Variants in POLQ observed in about 807,000 individuals in gnomAD.
POLQ encodes the protein DNA polymerase theta.
In POLQ, 233 loss-of-function variants were observed where a neutral mutation model predicts 259.2. That is an observed-to-expected ratio of 0.90 (90% CI 0.81 to 1.00). POLQ has a LOEUF of 1.00. POLQ is among the 50% of genes least tolerant of loss of function. The probability of loss-of-function intolerance (pLI) is 0.00; values close to 1 mark genes in which losing one functional copy is unlikely to be tolerated. For synonymous variants in POLQ, 1,025 were observed against 1,048.8 expected (o/e 0.98, Z 0.44); for missense variants, 2,871 against 3,051.6 (o/e 0.94, Z 1.39).
rs1399589567 is a variant in POLQ at position 121,489,313 on chromosome 3, AG to A, written c.3617del (p.Thr1206IlefsTer8). On this transcript the variant is annotated frameshift_variant, in exon 16 of 30. Coordinates refer to ENST00000264233, the MANE Select transcript of POLQ (RefSeq NM_199420.4). LOFTEE classifies it high-confidence loss of function. ...LRKQSHEQTSTITKQKNIIER... is the reference protein window; with the variant it reads ...LRKQSHEQTSXITKQKNIIER... ...CTATTATATTTTTCTGTTTGGTAAT[AG>A]TGCTTGTCTGTTCATGAGATTGCTT... 3.7e-6 allele frequency: 6 copies of A among 1,613,746 alleles called. No homozygotes were observed. Among genetic ancestry groups the A allele is most frequent in the African/African-American group, 1.3e-5 (1 of 75,038 alleles).
At chr3:121,509,533 C>T (rs1328402996) in intron 12 of POLQ, 28 bp downstream of exon 12, 23 of 1,578,838 alleles carry the variant, frequency 1.5e-5, no homozygotes, top group Admixed American at 1.8e-5. Context: ...CCTATTTTCA[C>T]AAACATAATT....
At chr3:121,513,673 C>A (rs1415090248) in intron 9 of POLQ, among the ~76,000 whole-genome samples, 1 of 149,960 alleles carries the variant, frequency 6.7e-6, no homozygotes, top group African/African-American at 2.5e-5. Context: ...GGCTTTACTA[C>A]CCCCCTCCCC....
At chr3:121,521,401 A>C (rs2048335433) in intron 8 of POLQ, among the ~76,000 whole-genome samples, 1 of 152,162 alleles carries the variant, frequency 6.6e-6, no homozygotes, top group African/African-American at 2.4e-5. Flanking sequence ...CCCCTCACAC[A>C]CACACATTTC....
chr3:121,453,712 C>T (rs1163370498), intron 25 of POLQ, among the ~76,000 whole-genome samples: 1 of 152,036 alleles, frequency 6.6e-6, no homozygotes, highest in Non-Finnish European at 1.5e-5. Context: ...CCAAAGCCTC[C>T]AAGAAATATG....
chr3:121,495,275 A>AG (rs2048109278), intron 14 of POLQ, among the ~76,000 whole-genome samples: 1 of 152,250 alleles, frequency 6.6e-6, no homozygotes, highest in East Asian at 1.9e-4. Context: ...CCATCTCAAA[A>AG]AAAAAAAAGT....
chr3:121,450,921 T>C (rs2047670033), intron 25 of POLQ, among the ~76,000 whole-genome samples: 1 of 152,212 alleles, frequency 6.6e-6, no homozygotes, highest in African/African-American at 2.4e-5. Flanking sequence ...CACTTTCAGG[T>C]ACACCAATCA....
At chr3:121,443,884 T>C (rs1225042144) in intron 26 of POLQ, among the ~76,000 whole-genome samples, 9 of 152,168 alleles carry the variant, frequency 5.9e-5, no homozygotes, top group Admixed American at 3.3e-4. Flanking sequence ...TTATTGAAAA[T>C]GAGTTCACTG....
In POLQ at chr3:121,476,550, T is replaced by C. The variant is rs1250278912; in HGVS notation, c.6395A>G (p.Asp2132Gly). ...GHSFSFTSSD[D>G]IAEVLFLELK... ...GCCCCATGATACAACCTCAGCGATGTCATCTGAACTGGTGAAAGAAAAACT... is the reference window on the plus strand; with the variant it reads ...GCCCCATGATACAACCTCAGCGATGCCATCTGAACTGGTGAAAGAAAAACT... The change falls in exon 20 of 30, where the codon GAC becomes GGC. Residue 2132 changes from aspartate to glycine, a missense_variant. Around this residue, in one of 3 missense-constraint regions of POLQ, gnomAD observed 2,080 missense variants for 2,126.0 expected, o/e 0.98. Transcript: ENST00000264233. The C allele has an allele frequency of 6.2e-7, 1 of 1,611,860 alleles. No individual in the cohort carries two copies. Among genetic ancestry groups the C allele is most frequent in the Non-Finnish European group, 8.5e-7 (1 of 1,178,856 alleles).
At chr3:121,506,642 A>G (rs1244529455) in intron 12 of POLQ, among the ~76,000 whole-genome samples, 1 of 152,252 alleles carries the variant, frequency 6.6e-6, no homozygotes, top group African/African-American at 2.4e-5. Context: ...AAAACAGGAA[A>G]GTGATACAAA....
At chr3:121,442,258 G>A (rs2047599130) in intron 26 of POLQ, among the ~76,000 whole-genome samples, 1 of 152,010 alleles carries the variant, frequency 6.6e-6, no homozygotes, top group Non-Finnish European at 1.5e-5. Flanking sequence ...AGGGAAAATG[G>A]GGTACCCATC....
At chr3:121,447,117 G>A (rs183588174) in intron 26 of POLQ, among the ~76,000 whole-genome samples, 73 of 141,344 alleles carry the variant, frequency 5.2e-4, no homozygotes, top group African/African-American at 1.8e-3. Context: ...TGTATCTGTT[G>A]TATATTTTTT....
chr3:121,472,168 C>T lies in POLQ; in HGVS notation c.6544-4G>A, dbSNP rs1231687219. ...CCTTTAATTTATTTAAAACGTCCTGCCAAAAAAATATAAGGTAAGATTGAA... is the reference window on the plus strand; with the variant it reads ...CCTTTAATTTATTTAAAACGTCCTGTCAAAAAAATATAAGGTAAGATTGAA... On this transcript the variant is annotated splice_polypyrimidine_tract_variant and splice_region_variant and intron_variant, in intron 21 of 29. Coordinates refer to ENST00000264233, the MANE Select transcript of POLQ (RefSeq NM_199420.4). The T allele has an allele frequency of 7.3e-7, 1 of 1,377,448 alleles. No individual in the cohort carries two copies. The highest frequency in any genetic ancestry group is 2.5e-5 in the East Asian group (1 of 40,424). The allele number at this position is 1,377,448 out of a possible 1,614,324, so 85.3% of individuals were successfully genotyped here. A position where few individuals can be genotyped will look rare whatever the true frequency, so the allele number is the denominator to read the frequency against.
At chr3:121,542,247 G>T (rs1020220305) in intron 2 of POLQ, among the ~76,000 whole-genome samples, 1 of 152,112 alleles carries the variant, frequency 6.6e-6, no homozygotes, top group Admixed American at 6.6e-5. Flanking sequence ...AGGCCACGAT[G>T]GGCAAGGTGT....
chr3:121,481,620 T>C lies in POLQ; in HGVS notation c.6163A>G (p.Asn2055Asp), dbSNP rs2047970879. The change falls in exon 19 of 30, where the codon AAC becomes GAC. Residue 2055 changes from asparagine (N) to aspartate (D), a missense_variant. Physicochemically the swap from Asn to Asp is conservative, Grantham distance 23 (BLOSUM62 1). Coordinates refer to ENST00000264233, the MANE Select transcript of POLQ (RefSeq NM_199420.4). ...AAAGAGTTGAGCTGATTCATAGAGT[T>C]GAAGATGAGAATGGACTCCACAGAT... Reference protein sequence around the residue: ...RASVESILIFNSMNQLNSLLQ... With the variant: ...RASVESILIFDSMNQLNSLLQ... The C allele has an allele frequency of 1.2e-6, 2 of 1,613,572 alleles. No individual in the cohort carries two copies. The highest frequency in any genetic ancestry group is 1.3e-5 in the African/African-American group (1 of 75,046).
In POLQ at chr3:121,432,369, C is replaced by CA; in HGVS notation, c.7707dup (p.Val2570CysfsTer20). ...ATTTTCACTTTCACTTTCAATTTCA[C>CA]AGACAGTTTTACAGCACTTTCCATT... On this transcript the variant is annotated frameshift_variant, in exon 30 of 30. Coordinates refer to ENST00000264233, the MANE Select transcript of POLQ (RefSeq NM_199420.4). LOFTEE classifies it high-confidence loss of function. 1 of 1,610,272 alleles carries CA rather than the reference C, an allele frequency of 6.2e-7. No homozygotes were observed. Among genetic ancestry groups the CA allele is most frequent in the South Asian group, 1.1e-5 (1 of 90,474 alleles).
chr3:121,495,861 A>G (rs958765732), intron 14 of POLQ, among the ~76,000 whole-genome samples: 3 of 150,850 alleles, frequency 2.0e-5, no homozygotes, highest in African/African-American at 7.3e-5. Context: ...AAAAAAAAAA[A>G]AAAAAAAAAA....
intron 4 of POLQ, among the ~76,000 whole-genome samples, chr3:121,538,007 C>T (rs2048462501): frequency 6.6e-6 from 1 of 152,132 alleles, no homozygotes; most frequent in Non-Finnish European, 1.5e-5. Context: ...TATTAGCTTA[C>T]TCAGGGCTAA....
At chr3:121,509,769 A>G in intron 11 of POLQ, 66 bp from the exon 12 acceptor site, 3 of 1,469,628 alleles carry the variant, frequency 2.0e-6, no homozygotes, top group East Asian at 2.3e-5. Flanking sequence ...ACAAAATACT[A>G]TCTTTCTGTT....
At chr3:121,528,379 T>C (rs2048387479) in intron 7 of POLQ, among the ~76,000 whole-genome samples, 2 of 151,708 alleles carry the variant, frequency 1.3e-5, no homozygotes, top group African/African-American at 4.8e-5. Flanking sequence ...GTTTCGCTCT[T>C]GTTGCCCAAG....
Sources: gnomAD v4.1 joint callset for allele counts (sites outside exome capture counted in the v4.1 genomes callset) on GRCh38, gnomAD v4.1.1 for gene constraint, gnomAD v4.1.1 regional missense constraint, MANE v1.5 for transcripts, NCBI Gene and HGNC (gene_info 2026-07-23, HGNC 2026-07-21) for gene names.